The following CDH12 variants were observed in gnomAD, a reference collection of about 807,000 sequenced individuals.
CDH12 encodes cadherin 12, also known as cadherin-12.
CDH12 carries 41 observed loss-of-function variants against 74.1 expected under a neutral mutation model. The observed-to-expected ratio is 0.55, with a 90% CI of 0.43 to 0.72. The LOEUF (loss-of-function observed/expected upper bound fraction) is 0.72, where lower values mean the gene tolerates loss of function less well. Ranked by LOEUF, CDH12 falls within the 30% of genes least tolerant of loss-of-function variation. The pLI, the probability that CDH12 is intolerant of heterozygous loss-of-function variation, is 0.00. For synonymous variants in CDH12, 399 were observed against 355.0 expected (o/e 1.12, Z -1.39); for missense variants, 945 against 977.2 (o/e 0.97, Z 0.44).
intron 1 of CDH12, among the ~76,000 whole-genome samples, chr5:22,785,156 A>G (rs1747561197): frequency 6.6e-6 from 1 of 152,030 alleles, no homozygotes; most frequent in South Asian, 2.1e-4. Flanking sequence ...ACCTTTCCTG[A>G]TGCTCGCCCA....
At chr5:22,266,922 A>T (rs1290058636) in intron 3 of CDH12, among the ~76,000 whole-genome samples, 1 of 152,174 alleles carries the variant, frequency 6.6e-6, no homozygotes, top group Non-Finnish European at 1.5e-5. Context: ...ATTATATTTT[A>T]GAGTGTTTCT....
intron 5 of CDH12, among the ~76,000 whole-genome samples, chr5:21,997,856 T>A (rs1249831072): frequency 1.3e-5 from 2 of 152,162 alleles, no homozygotes. Context: ...TATTTAGGAT[T>A]GCCTGTAAAA....
chr5:22,487,902 TG>T (rs1309934655), intron 2 of CDH12, among the ~76,000 whole-genome samples: 1 of 152,224 alleles, frequency 6.6e-6, no homozygotes, highest in Non-Finnish European at 1.5e-5. Context: ...ATTATGTGCT[TG>T]ACTAGTTATG....
rs1744046591 is a variant in CDH12, at chr5:21,751,488, C to A, written c.*249G>T. 3 of 423,466 alleles carry A rather than the reference C, an allele frequency of 7.1e-6. No individual in the cohort carries two copies. Among genetic ancestry groups the A allele is most frequent in the African/African-American group, 3.9e-5 (2 of 50,754 alleles). The allele number at this position is 423,466 out of a possible 1,614,324, so 26.2% of individuals were successfully genotyped here. On this transcript the variant is annotated 3_prime_UTR_variant, in exon 15 of 15. Transcript: ENST00000382254. The stretch of plus-strand genomic sequence containing the variant: ...GTGTGATTGTGAAAAAACAAAACAA[C>A]AAAACAAAGCAAGTACACATTATAG...
intron 11 of CDH12, among the ~76,000 whole-genome samples, chr5:21,765,322 G>C: frequency 6.6e-6 from 1 of 151,952 alleles, no homozygotes; most frequent in South Asian, 2.1e-4. Flanking sequence ...TGATATTTTA[G>C]CATAAGTGTA....
At chr5:22,075,401 T>G (rs1418435439) in intron 5 of CDH12, among the ~76,000 whole-genome samples, 3 of 151,816 alleles carry the variant, frequency 2.0e-5, no homozygotes, top group Non-Finnish European at 4.4e-5. Flanking sequence ...ACATGGCACA[T>G]GTATACATCT....
intron 5 of CDH12, among the ~76,000 whole-genome samples, chr5:22,023,977 A>T (rs1465056135): frequency 6.6e-6 from 1 of 152,184 alleles, no homozygotes; most frequent in Non-Finnish European, 1.5e-5. Flanking sequence ...AAGCAGTCAC[A>T]TGGCCCCACC....
rs1326292190 is a variant in CDH12 at position 22,191,819 on chromosome 5, C to T, written c.-187+20679G>A. Among the ~76,000 whole-genome samples, 6 of 152,032 alleles carry T rather than the reference C, an allele frequency of 3.9e-5. No individual in the cohort carries two copies. In the East Asian group the frequency reaches 1.2e-3, roughly 30 times the overall value. On this transcript the variant is annotated intron_variant, in intron 4 of 14. Transcript: ENST00000382254. ...GACCTCGTGATCCGCCCGCCTCGGC[C>T]TCCCAAAGTGCTGGGATTACAGGCG...
At chr5:22,376,018 A>T (rs955358682) in intron 3 of CDH12, among the ~76,000 whole-genome samples, 1 of 152,244 alleles carries the variant, frequency 6.6e-6, no homozygotes, top group African/African-American at 2.4e-5. Context: ...TTGCATGTTT[A>T]TTGTGGCATT....
chr5:21,837,686 T>A (rs530846620), intron 8 of CDH12, among the ~76,000 whole-genome samples: 32 of 152,316 alleles, frequency 2.1e-4, no homozygotes, highest in African/African-American at 7.2e-4. Context: ...AGAATTGGCT[T>A]TTCTCTTTAT....
At chr5:21,931,899 T>C (rs1160103942) in intron 6 of CDH12, among the ~76,000 whole-genome samples, 1 of 152,204 alleles carries the variant, frequency 6.6e-6, no homozygotes, top group Non-Finnish European at 1.5e-5. Context: ...AAAGGTGTCA[T>C]GGAGATTTTT....
intron 3 of CDH12, among the ~76,000 whole-genome samples, chr5:22,399,925 A>C (rs1005204312): frequency 3.3e-5 from 5 of 152,218 alleles, no homozygotes; most frequent in Non-Finnish European, 7.3e-5. Context: ...AATCTCTTAA[A>C]ATATAATAAT....
chr5:22,196,139 TG>T (rs1416829469), intron 4 of CDH12, among the ~76,000 whole-genome samples: 1 of 145,954 alleles, frequency 6.9e-6, no homozygotes, highest in Non-Finnish European at 1.5e-5. Context: ...CTATTCTATC[TG>T]CATGTAATTT....
chr5:22,591,604 C>T (rs1288407071), intron 1 of CDH12, among the ~76,000 whole-genome samples: 8 of 152,040 alleles, frequency 5.3e-5, no homozygotes, highest in Non-Finnish European at 7.4e-5. Context: ...TTCCAAAATG[C>T]CTCATACTAC....
intron 5 of CDH12, among the ~76,000 whole-genome samples, chr5:21,997,481 A>G (rs948292315): frequency 2.6e-5 from 4 of 152,286 alleles, no homozygotes; most frequent in Middle Eastern, 3.4e-3. Flanking sequence ...TTCTATGTCA[A>G]AAGTGAGAGC....
chr5:22,636,787 T>G (rs928341675), intron 1 of CDH12, among the ~76,000 whole-genome samples: 1 of 152,360 alleles, frequency 6.6e-6, no homozygotes, highest in Admixed American at 6.5e-5. Context: ...CATTACATTT[T>G]ATACTTTAAC....
At chr5:21,808,210 C>T (rs1386631910) in intron 9 of CDH12, among the ~76,000 whole-genome samples, 1 of 152,020 alleles carries the variant, frequency 6.6e-6, no homozygotes, top group Non-Finnish European at 1.5e-5. Context: ...ACAAAAGACT[C>T]CAAGGCTTAG....
At chr5:22,275,678 C>T (rs1157503373) in intron 3 of CDH12, among the ~76,000 whole-genome samples, 2 of 151,934 alleles carry the variant, frequency 1.3e-5, no homozygotes, top group South Asian at 2.1e-4. Flanking sequence ...AGAAGTTTGC[C>T]CAAACTCATT....
At chr5:22,431,358 A>G (rs894911) in intron 2 of CDH12, among the ~76,000 whole-genome samples, 48,506 of 152,056 alleles carry the variant, frequency 0.32, 7,840 homozygotes, top group African/African-American at 0.36. Context: ...ATAACATTTC[A>G]GCACAAAGCA....
Sources: gnomAD v4.1 joint callset for allele counts (sites outside exome capture counted in the v4.1 genomes callset) on GRCh38, gnomAD v4.1.1 for gene constraint, MANE v1.5 for transcripts, NCBI Gene and HGNC (gene_info 2026-07-23, HGNC 2026-07-21) for gene names.